The following OPCML variants were observed in gnomAD, a reference collection of about 807,000 sequenced individuals.
OPCML encodes opioid binding protein/cell adhesion molecule like.
Under a neutral mutation model 37.8 loss-of-function variants are expected in OPCML, and 13 were observed. The observed-to-expected ratio is 0.34, with a 90% CI of 0.22 to 0.55. The LOEUF is 0.55. Among genes scored for constraint, OPCML ranks in the 20% least tolerant of loss-of-function variants. The probability of loss-of-function intolerance (pLI) is 0.91; values close to 1 mark genes in which losing one functional copy is unlikely to be tolerated. For synonymous variants in OPCML, 176 were observed against 168.8 expected (o/e 1.04, Z -0.33); for missense variants, 341 against 435.6 (o/e 0.78, Z 1.93).
intron 3 of OPCML, among the ~76,000 whole-genome samples, chr11:132,561,368 C>T (rs1478798261): frequency 6.6e-5 from 10 of 152,184 alleles, no homozygotes; most frequent in Non-Finnish European, 1.5e-5. Context: ...TCATCTCCTC[C>T]ATAGGCTCTT....
chr11:133,054,903 G>A (rs893120272), intron 1 of OPCML, among the ~76,000 whole-genome samples: 2 of 151,772 alleles, frequency 1.3e-5, no homozygotes, highest in East Asian at 3.9e-4. Context: ...GAGACTCCAT[G>A]AGGGAGCCGC....
rs536570316 is a variant in OPCML, at chr11:133,219,914, A to G, written c.62-276904T>C. Among the ~76,000 whole-genome samples the G allele has an allele frequency of 1.1e-3, 160 of 152,312 alleles. 1 individual carries two copies. Among genetic ancestry groups the G allele is most frequent in the Admixed American group, 5.1e-3 (78 of 15,300 alleles). On this transcript the variant is annotated intron_variant, in intron 1 of 7. Coordinates refer to ENST00000524381, the MANE Select transcript of OPCML (RefSeq NM_001012393.5). The stretch of plus-strand genomic sequence containing the variant: ...TGTAAAGTATAAAACTTAAAATGCC[A>G]GTGGCGCTAAGATTGAGAAACTGCT...
intron 3 of OPCML, among the ~76,000 whole-genome samples, chr11:132,592,643 C>G (rs2096486376): frequency 6.6e-6 from 1 of 152,200 alleles, no homozygotes; most frequent in African/African-American, 2.4e-5. Flanking sequence ...ACATGCTTGG[C>G]TTAAGCTTTC....
At chr11:132,731,356 A>C (rs1945068952) in intron 2 of OPCML, among the ~76,000 whole-genome samples, 1 of 152,188 alleles carries the variant, frequency 6.6e-6, no homozygotes, top group African/African-American at 2.4e-5. Context: ...ACTCCTAATA[A>C]ATCTGATGGT....
chr11:132,852,138 A>T (rs1388879085), intron 2 of OPCML, among the ~76,000 whole-genome samples: 1 of 152,156 alleles, frequency 6.6e-6, no homozygotes, highest in Non-Finnish European at 1.5e-5. Context: ...TTGTTAAAAT[A>T]ATTCTTATCT....
At chr11:132,580,687 C>A (rs2096460358) in intron 3 of OPCML, among the ~76,000 whole-genome samples, 1 of 152,168 alleles carries the variant, frequency 6.6e-6, no homozygotes, top group Admixed American at 6.5e-5. Context: ...CAAAGTATAA[C>A]TGGAGACAGA....
chr11:133,222,257 C>T (rs1293131787), intron 1 of OPCML, among the ~76,000 whole-genome samples: 3 of 152,172 alleles, frequency 2.0e-5, no homozygotes, highest in Non-Finnish European at 2.9e-5. Context: ...TGCAGCCATA[C>T]AGGCCAGCTA....
intron 1 of OPCML, among the ~76,000 whole-genome samples, chr11:133,377,398 G>T (rs1944828983): frequency 6.6e-6 from 1 of 151,896 alleles, no homozygotes; most frequent in South Asian, 2.1e-4. Flanking sequence ...CATTTTGCCA[G>T]TCTGCTGTCG....
intron 2 of OPCML, among the ~76,000 whole-genome samples, chr11:132,791,286 G>A (rs1377092258): frequency 1.3e-5 from 2 of 152,176 alleles, no homozygotes; most frequent in African/African-American, 2.4e-5. Flanking sequence ...ACTATTTACT[G>A]TGATCAGAGA....
rs573904150 is a variant in OPCML, at chr11:132,894,615, C to T, written c.146+48311G>A. 4.2e-4 allele frequency among the ~76,000 whole-genome samples: 64 copies of T among 152,298 alleles called. 1 individual carries two copies. The South Asian group carries it at 0.01, about 24-fold the overall frequency. On this transcript the variant is annotated intron_variant, in intron 2 of 7. Coordinates refer to ENST00000524381, the MANE Select transcript of OPCML (RefSeq NM_001012393.5). ...TAAGGGAGTTTCCAGAGGAGATTGG[C>T]ATGTGAGTCTGAGTAGACCAAGTGG...
chr11:132,524,107 C>T (rs779192300), intron 4 of OPCML, among the ~76,000 whole-genome samples: 4 of 152,188 alleles, frequency 2.6e-5, no homozygotes, highest in Non-Finnish European at 5.9e-5. Flanking sequence ...GGACGACTAC[C>T]CTCCTTAGAA....
chr11:133,195,804 A>C (rs1938513693), intron 1 of OPCML, among the ~76,000 whole-genome samples: 5 of 152,158 alleles, frequency 3.3e-5, no homozygotes, highest in Admixed American at 3.3e-4. Flanking sequence ...ATTCTCCCTC[A>C]CCAAGCAGAG....
chr11:132,940,520 A>G (rs1252533632), intron 2 of OPCML, among the ~76,000 whole-genome samples: 1 of 152,240 alleles, frequency 6.6e-6, no homozygotes, highest in Non-Finnish European at 1.5e-5. Context: ...ATACAGCAAA[A>G]AACACCACCA....
At chr11:133,050,595 C>T (rs1948111365) in intron 1 of OPCML, among the ~76,000 whole-genome samples, 1 of 152,132 alleles carries the variant, frequency 6.6e-6, no homozygotes, top group Non-Finnish European at 1.5e-5. Context: ...TCCTAATTTC[C>T]ATGTCCTACC....
At chr11:133,418,171 G>A (rs550595582) in intron 1 of OPCML, 89 of 985,350 alleles carry the variant, frequency 9.0e-5, no homozygotes, top group African/African-American at 1.4e-4. Flanking sequence ...AAATACTCTC[G>A]CCTGTCTGCC....
intron 1 of OPCML, among the ~76,000 whole-genome samples, chr11:133,378,890 C>T (rs957088004): frequency 3.3e-5 from 5 of 152,010 alleles, no homozygotes; most frequent in African/African-American, 9.7e-5. Context: ...AACGAGTGCA[C>T]ACCATCATGC....
chr11:132,505,932 C>T (rs1422171166), intron 4 of OPCML, among the ~76,000 whole-genome samples: 4 of 151,844 alleles, frequency 2.6e-5, no homozygotes, highest in East Asian at 1.9e-4. Context: ...AACAGACTTA[C>T]TGCATATTAG....
intron 2 of OPCML, among the ~76,000 whole-genome samples, chr11:132,801,047 T>C (rs1403248331): frequency 1.3e-5 from 2 of 152,240 alleles, no homozygotes; most frequent in African/African-American, 4.8e-5. Context: ...GGATAGTTTT[T>C]AGATTACTAA....
intron 1 of OPCML, among the ~76,000 whole-genome samples, chr11:133,180,086 G>C (rs1017105875): frequency 1.2e-4 from 18 of 152,214 alleles, no homozygotes; most frequent in South Asian, 2.1e-4. Context: ...CAGAAGACTA[G>C]GGTGTGAGTG....
Sources: gnomAD v4.1 joint callset for allele counts (sites outside exome capture counted in the v4.1 genomes callset) on GRCh38, gnomAD v4.1.1 for gene constraint, MANE v1.5 for transcripts, NCBI Gene and HGNC (gene_info 2026-07-23, HGNC 2026-07-21) for gene names.